Variants in CTTNBP2 observed in about 807,000 individuals in gnomAD.
CTTNBP2 encodes the protein cortactin binding protein 2.
A neutral mutation model predicts 156.9 loss-of-function variants in CTTNBP2; 108 were observed. That is an observed-to-expected ratio of 0.69 (90% CI 0.59 to 0.81). The LOEUF is 0.81. Among genes scored for constraint, CTTNBP2 ranks in the 30% least tolerant of loss-of-function variants. The pLI, the probability that CTTNBP2 is intolerant of heterozygous loss-of-function variation, is 0.00. For synonymous variants in CTTNBP2, 767 were observed against 751.8 expected, an observed-to-expected ratio of 1.02 and a Z score of -0.33; for missense variants, 1,924 against 2,035.4, an observed-to-expected ratio of 0.95 and a Z score of 1.05.
chr7:117,834,346 T>A (rs1801798771), intron 2 of CTTNBP2, among the ~76,000 whole-genome samples: 1 of 152,202 alleles, frequency 6.6e-6, no homozygotes. Context: ...TGAGCCACCA[T>A]GCCAGGGCTG....
intron 2 of CTTNBP2, among the ~76,000 whole-genome samples, chr7:117,811,891 AAAAATTTTAATTAAATT>A (rs1161578839): frequency 7.9e-6 from 1 of 126,654 alleles, no homozygotes; most frequent in Non-Finnish European, 1.7e-5. Flanking sequence ...ATTTTAATGT[AAAAATTTTAATTAAATT>A]AAAATTTTAA....
chr7:117,865,351 A>C (rs1467614582), intron 1 of CTTNBP2, among the ~76,000 whole-genome samples: 5 of 152,052 alleles, frequency 3.3e-5, no homozygotes, highest in Non-Finnish European at 7.4e-5. Context: ...GATGAAAAGA[A>C]ACTAAAAACA....
intron 2 of CTTNBP2, among the ~76,000 whole-genome samples, chr7:117,843,126 C>T (rs1027553934): frequency 6.6e-6 from 1 of 152,088 alleles, no homozygotes; most frequent in African/African-American, 2.4e-5. Flanking sequence ...TACAGTATAA[C>T]AACTTTTTAC....
intron 20 of CTTNBP2, among the ~76,000 whole-genome samples, chr7:117,720,717 G>A (rs34811395): frequency 0.039 from 5,915 of 152,104 alleles, 398 homozygotes; most frequent in African/African-American, 0.13. Context: ...AAGTCATACT[G>A]TTTCTGTAAA....
intron 20 of CTTNBP2, among the ~76,000 whole-genome samples, chr7:117,720,646 T>C (rs1794734400): frequency 6.6e-6 from 1 of 151,950 alleles, no homozygotes; most frequent in Non-Finnish European, 1.5e-5. Flanking sequence ...TGAACCGAGA[T>C]CATGCCACTG....
chr7:117,746,613 G>C (rs1308165301), intron 12 of CTTNBP2, among the ~76,000 whole-genome samples: 1 of 152,118 alleles, frequency 6.6e-6, no homozygotes, highest in African/African-American at 2.4e-5. Flanking sequence ...TCTTTGCATA[G>C]TGGCTGCGTG....
At chr7:117,864,689 C>CATATATCTAGATGTATGA (rs1554451702) in intron 1 of CTTNBP2, among the ~76,000 whole-genome samples, 26 of 82,766 alleles carry the variant, frequency 3.1e-4, no homozygotes, top group South Asian at 9.4e-4. Context: ...TATATATATT[C>CATATATCTAGATGTATGA]ATATATATTC....
intron 2 of CTTNBP2, among the ~76,000 whole-genome samples, chr7:117,841,787 T>A (rs1802293232): frequency 1.3e-5 from 2 of 152,114 alleles, no homozygotes; most frequent in South Asian, 4.1e-4. Flanking sequence ...AAAGATTACT[T>A]CTCTTTTTCA....
chr7:117,742,440 A>AAGGCC (rs1796070846), intron 14 of CTTNBP2, among the ~76,000 whole-genome samples: 2 of 152,168 alleles, frequency 1.3e-5, no homozygotes. Context: ...CCTAGAATAG[A>AAGGCC]AGGCCTTGAA....
At chr7:117,828,193 A>G (rs1449696043) in intron 2 of CTTNBP2, among the ~76,000 whole-genome samples, 1 of 152,200 alleles carries the variant, frequency 6.6e-6, no homozygotes, top group Non-Finnish European at 1.5e-5. Context: ...AATGTTCCCC[A>G]GTCCTTGAGA....
chr7:117,829,874 TATC>T lies in CTTNBP2; in HGVS notation c.190-18888_190-18886del, dbSNP rs1801498835. Among the ~76,000 whole-genome samples the T allele has an allele frequency of 3.3e-5, 5 of 152,194 alleles. No individual in the cohort carries two copies. The South Asian group carries it at 1.0e-3, about 32-fold the overall frequency. ...AATTTAGAAGAGCCCTCTAAAATAATATCATGCTTGCCTGTGAATGCACAGACT... is the reference window on the plus strand; with the variant it reads ...AATTTAGAAGAGCCCTCTAAAATAATATGCTTGCCTGTGAATGCACAGACT... On this transcript the variant is annotated intron_variant, in intron 2 of 22. Coordinates refer to ENST00000160373, the MANE Select transcript of CTTNBP2 (RefSeq NM_033427.3).
intron 2 of CTTNBP2, among the ~76,000 whole-genome samples, chr7:117,843,728 G>A (rs979849508): frequency 6.6e-6 from 1 of 152,120 alleles, no homozygotes; most frequent in Admixed American, 6.6e-5. Flanking sequence ...AAGATAACTC[G>A]ATGACTATGG....
At chr7:117,826,504 G>A (rs1450967512) in intron 2 of CTTNBP2, among the ~76,000 whole-genome samples, 1 of 152,006 alleles carries the variant, frequency 6.6e-6, no homozygotes, top group East Asian at 1.9e-4. Context: ...TCAGCTTTCA[G>A]GGTAAATTTA....
intron 2 of CTTNBP2, among the ~76,000 whole-genome samples, chr7:117,847,304 G>A (rs561637553): frequency 6.6e-6 from 1 of 152,340 alleles, no homozygotes; most frequent in African/African-American, 2.4e-5. Flanking sequence ...AAGAAGCTGA[G>A]GCTGGCAGAT....
At chr7:117,805,754 G>T (rs1563025590) in intron 3 of CTTNBP2, among the ~76,000 whole-genome samples, 2 of 152,148 alleles carry the variant, frequency 1.3e-5, no homozygotes, top group East Asian at 3.9e-4. Context: ...AATTGTTCAG[G>T]TCAGTATAAC....
rs34664173 is a variant in CTTNBP2, at chr7:117,774,686, G to A, written c.2778+2825C>T. ...CTGGTCCCTGCTGCCAAAAAGGTTG[G>A]GGGCCACTGAGCTATGTTATGTCCC... is the stretch of plus-strand genomic sequence containing the variant. On this transcript the variant is annotated intron_variant, in intron 8 of 22. Transcript: ENST00000160373. 6.9e-3 allele frequency among the ~76,000 whole-genome samples: 1,041 copies of A among 149,992 alleles called. 8 individuals carry two copies. Among genetic ancestry groups the A allele is most frequent in the African/African-American group, 0.023 (957 of 40,992 alleles).
At chr7:117,750,685 G>A (rs749239622) in intron 12 of CTTNBP2, among the ~76,000 whole-genome samples, 30 of 152,062 alleles carry the variant, frequency 2.0e-4, no homozygotes, top group Non-Finnish European at 3.8e-4. Flanking sequence ...GAACCGGGTC[G>A]AACATGCAAA....
intron 1 of CTTNBP2, among the ~76,000 whole-genome samples, chr7:117,867,822 A>G (rs1804308861): frequency 1.3e-5 from 2 of 152,188 alleles, no homozygotes; most frequent in Non-Finnish European, 2.9e-5. Context: ...AAGGTCATGC[A>G]CCTCAAATCA....
At chr7:117,827,345 T>C (rs544642868) in intron 2 of CTTNBP2, among the ~76,000 whole-genome samples, 2 of 152,328 alleles carry the variant, frequency 1.3e-5, no homozygotes, top group African/African-American at 4.8e-5. Context: ...AAATTCCTGT[T>C]TTGGAAATTT....
Sources: allele counts gnomAD v4.1 joint callset (sites outside exome capture counted in the v4.1 genomes callset), GRCh38; gene constraint gnomAD v4.1.1; transcripts MANE v1.5; gene names NCBI Gene and HGNC (gene_info 2026-07-23, HGNC 2026-07-21).